Variants in ZBTB38 observed in about 807,000 individuals in gnomAD.
ZBTB38 encodes zinc finger and BTB domain-containing protein 38.
ZBTB38 carries 20 observed loss-of-function variants against 76.8 expected under a neutral mutation model. The observed-to-expected ratio is 0.26, with a 90% CI of 0.18 to 0.38. ZBTB38 has a LOEUF of 0.38. Among genes scored for constraint, ZBTB38 ranks in the 10% least tolerant of loss-of-function variants. ZBTB38 has a pLI of 1.00. For synonymous variants in ZBTB38, 504 were observed against 544.2 expected (o/e 0.93, Z 1.03); for missense variants, 1,082 against 1,482.3 (o/e 0.73, Z 4.43).
At chr3:141,426,479 C>G (rs2076412710) in intron 5 of ZBTB38, among the ~76,000 whole-genome samples, 1 of 152,168 alleles carries the variant, frequency 6.6e-6, no homozygotes, top group Non-Finnish European at 1.5e-5. Flanking sequence ...CAGCAGGCCA[C>G]AGACCCAGCA....
chr3:141,369,789 C>T (rs1485555803), intron 1 of ZBTB38, 83 bp from the exon 2 acceptor site: 1 of 152,162 alleles, frequency 6.6e-6, no homozygotes, highest in Non-Finnish European at 1.5e-5. Flanking sequence ...TGGACAACTC[C>T]CTTTGGAAAT....
intron 2 of ZBTB38, among the ~76,000 whole-genome samples, chr3:141,376,281 C>T (rs1178933541): frequency 2.0e-5 from 3 of 152,198 alleles, no homozygotes; most frequent in Non-Finnish European, 4.4e-5. Context: ...TACATCTATG[C>T]TGATCCCCTG....
chr3:141,365,233 T>C (rs1943932085), upstream of ZBTB38, among the ~76,000 whole-genome samples: 1 of 152,248 alleles, frequency 6.6e-6, no homozygotes, highest in African/African-American at 2.4e-5. Context: ...TACTAAAGTA[T>C]TCTATGCCTT....
intron 5 of ZBTB38, among the ~76,000 whole-genome samples, chr3:141,428,323 C>T (rs1051808453): frequency 6.6e-6 from 1 of 152,208 alleles, no homozygotes; most frequent in Admixed American, 6.5e-5. Context: ...TAGAACAAGT[C>T]ACCTGCTCTG....
At chr3:141,405,940 G>A (rs1954224490) in intron 5 of ZBTB38, among the ~76,000 whole-genome samples, 1 of 152,194 alleles carries the variant, frequency 6.6e-6, no homozygotes, top group East Asian at 1.9e-4. Flanking sequence ...AGAGACTCTT[G>A]AGAAAAAGCA....
At chr3:141,353,604 C>T (rs1271526749) in intron 1 of ZBTB38, among the ~76,000 whole-genome samples, 1 of 152,098 alleles carries the variant, frequency 6.6e-6, no homozygotes, top group African/African-American at 2.4e-5. Context: ...ACAATGGCTC[C>T]ACTATCATTT....
chr3:141,333,177 G>A (rs1942903306), intron 1 of ZBTB38, among the ~76,000 whole-genome samples: 1 of 152,188 alleles, frequency 6.6e-6, no homozygotes, highest in South Asian at 2.1e-4. Flanking sequence ...CAGACTCATT[G>A]TTTGCTCCGG....
At chr3:141,441,190 A>G (rs1358611038) in intron 5 of ZBTB38, among the ~76,000 whole-genome samples, 1 of 152,172 alleles carries the variant, frequency 6.6e-6, no homozygotes, top group Non-Finnish European at 1.5e-5. Context: ...GAAAGCTGCT[A>G]CTTTTCACTG....
At chr3:141,432,187 T>C (rs2150556206) in intron 5 of ZBTB38, 1 of 985,508 alleles carries the variant, frequency 1.0e-6, no homozygotes, top group Admixed American at 6.1e-5. Flanking sequence ...TTCACTTTGA[T>C]ATGGCCCCTG....
intron 5 of ZBTB38, among the ~76,000 whole-genome samples, chr3:141,431,341 A>AAAAATATATATATAT: frequency 9.7e-6 from 1 of 103,286 alleles, no homozygotes; most frequent in African/African-American, 6.0e-5. Flanking sequence ...AAAAAAAAAA[A>AAAAATATATATATAT]ATATATATAT....
chr3:141,371,179 A>G (rs1944551772), intron 2 of ZBTB38, among the ~76,000 whole-genome samples: 1 of 148,166 alleles, frequency 6.7e-6, no homozygotes, highest in Non-Finnish European at 1.5e-5. Context: ...CAGCCTCCTG[A>G]GTAGCTGGGA....
chr3:141,353,537 G>C (rs1159747774), intron 1 of ZBTB38, among the ~76,000 whole-genome samples: 1 of 152,046 alleles, frequency 6.6e-6, no homozygotes, highest in African/African-American at 2.4e-5. Context: ...CAGTTTTCCA[G>C]AGGGAAAGGG....
intron 5 of ZBTB38, among the ~76,000 whole-genome samples, chr3:141,427,105 C>G (rs2076552403): frequency 6.6e-6 from 1 of 152,002 alleles, no homozygotes; most frequent in Non-Finnish European, 1.5e-5. Context: ...AGCTCGGTAA[C>G]AGTGCCAGGT....
intron 5 of ZBTB38, among the ~76,000 whole-genome samples, chr3:141,425,826 G>C (rs1217380229): frequency 6.6e-6 from 1 of 152,238 alleles, no homozygotes. Context: ...CATGCTGCCT[G>C]GGTTTGAATC....
Position 141,377,698 on chromosome 3 carries a change from T to C in ZBTB38, c.-234-3727T>C, listed in dbSNP as rs572425657. On this transcript the variant is annotated intron_variant, in intron 2 of 5. Coordinates refer to ENST00000321464, the MANE Select transcript of ZBTB38 (RefSeq NM_001376113.1). ...TTTGTAATACCTAAAAACTGGAAAATAGCCAAATGTTTTTCAGCAAGTTAG... is the reference window on the plus strand; with the variant it reads ...TTTGTAATACCTAAAAACTGGAAAACAGCCAAATGTTTTTCAGCAAGTTAG... Among the ~76,000 whole-genome samples, 48 of 152,198 alleles carry C rather than the reference T, an allele frequency of 3.2e-4. 2 individuals carry two copies. In the South Asian group the frequency reaches 9.5e-3, roughly 30 times the overall value.
intron 1 of ZBTB38, among the ~76,000 whole-genome samples, chr3:141,356,069 T>TTG (rs1450584396): frequency 6.6e-6 from 1 of 151,882 alleles, no homozygotes; most frequent in South Asian, 2.1e-4. Context: ...AGGTGTGTGT[T>TTG]TGTGTGTGTG....
upstream of ZBTB38, among the ~76,000 whole-genome samples, chr3:141,365,185 C>G (rs1365833280): frequency 1.3e-5 from 2 of 152,292 alleles, no homozygotes; most frequent in Admixed American, 1.3e-4. Flanking sequence ...TGTATACCCA[C>G]ACAGTGGAAT....
chr3:141,338,992 G>A (rs1943096208), intron 1 of ZBTB38, among the ~76,000 whole-genome samples: 1 of 151,976 alleles, frequency 6.6e-6, no homozygotes, highest in African/African-American at 2.4e-5. Flanking sequence ...ATAATAAAGG[G>A]ACAATGAGTT....
intron 2 of ZBTB38, among the ~76,000 whole-genome samples, chr3:141,378,755 C>A (rs1012654827): frequency 6.6e-6 from 1 of 152,130 alleles, no homozygotes; most frequent in Non-Finnish European, 1.5e-5. Context: ...AGACTGACAG[C>A]CCATCTCGGA....
Sources: allele counts gnomAD v4.1 joint callset (sites outside exome capture counted in the v4.1 genomes callset), GRCh38; gene constraint gnomAD v4.1.1; transcripts MANE v1.5; gene names NCBI Gene and HGNC (gene_info 2026-07-23, HGNC 2026-07-21).